PIK3C2A: variants seen among roughly 807,000 people sequenced by gnomAD.
PIK3C2A encodes the protein phosphatidylinositol-4-phosphate 3-kinase catalytic subunit type 2 alpha, also known as phosphatidylinositol 4-phosphate 3-kinase C2 domain-containing subunit alpha.
A neutral mutation model predicts 204.5 loss-of-function variants in PIK3C2A; 97 were observed. The ratio of observed to expected loss-of-function variants is 0.47; its 90% CI spans 0.40 to 0.56. PIK3C2A has a LOEUF of 0.56. Ranked by LOEUF, PIK3C2A falls within the 20% of genes least tolerant of loss-of-function variation. PIK3C2A has a pLI of 0.00. For missense variants in PIK3C2A, 1,735 were observed against 1,969.2 expected, an observed-to-expected ratio of 0.88 and a Z score of 2.25; for synonymous variants, 653 against 664.4, an observed-to-expected ratio of 0.98 and a Z score of 0.26.
intron 1 of PIK3C2A, among the ~76,000 whole-genome samples, chr11:17,175,321 T>C (rs942965056): frequency 1.3e-5 from 2 of 152,228 alleles, no homozygotes; most frequent in Non-Finnish European, 1.5e-5. Context: ...AGCTGATTGC[T>C]ACCAGCTAAG....
intron 1 of PIK3C2A, among the ~76,000 whole-genome samples, chr11:17,207,495 G>C (rs1165360140): frequency 6.6e-6 from 1 of 152,340 alleles, no homozygotes; most frequent in East Asian, 1.9e-4. Context: ...CGGTCCCGCG[G>C]GACAAGGCGG....
chr11:17,193,463 C>A, intron 1 of PIK3C2A: 2 of 411,936 alleles, frequency 4.9e-6, no homozygotes, highest in South Asian at 3.6e-5. Context: ...CTAGGTGCTT[C>A]AGGAGCCATG....
At chr11:17,159,374 T>C (rs1328085771) in intron 2 of PIK3C2A, among the ~76,000 whole-genome samples, 2 of 152,308 alleles carry the variant, frequency 1.3e-5, no homozygotes, top group African/African-American at 2.4e-5. Context: ...CATTAGCCAA[T>C]ACCTGGAACA....
intron 23 of PIK3C2A, among the ~76,000 whole-genome samples, chr11:17,103,394 C>T (rs1848706263): frequency 6.6e-6 from 1 of 152,052 alleles, no homozygotes. Flanking sequence ...TAGAAGGATA[C>T]AGCAAGACAC....
At chr11:17,166,047 AT>A (rs1226788523) in intron 2 of PIK3C2A, among the ~76,000 whole-genome samples, 1 of 152,196 alleles carries the variant, frequency 6.6e-6, no homozygotes, top group Non-Finnish European at 1.5e-5. Flanking sequence ...ATTTTACTAC[AT>A]TTTAAATTCT....
chr11:17,200,581 G>A (rs1389463242), intron 1 of PIK3C2A, among the ~76,000 whole-genome samples: 1 of 152,146 alleles, frequency 6.6e-6, no homozygotes, highest in Non-Finnish European at 1.5e-5. Flanking sequence ...ATGAGCTGTT[G>A]CCAGGGAGTG....
rs371798912 is a variant in PIK3C2A at position 17,114,080 on chromosome 11, AAAATAAATAAAT to A, written c.3321+269_3321+280del. On this transcript the variant is annotated intron_variant, in intron 20 of 32. Transcript: ENST00000691414. ...GGGCAAGAGTGAGACTTTGTCTCAA[AAAATAAATAAAT>A]AAATAAATAAATAAATAAATAAAAA... 3.3e-4 allele frequency among the ~76,000 whole-genome samples: 47 copies of A among 143,384 alleles called. No individual in the cohort carries two copies. In the South Asian group the frequency reaches 8.9e-3, roughly 27 times the overall value. 94.1% of individuals were successfully genotyped at this position (143,384 alleles called of 152,430 possible).
At chr11:17,136,380 G>A (rs561788006) in intron 9 of PIK3C2A, 102 bp downstream of exon 9, 1 of 908,022 alleles carries the variant, frequency 1.1e-6, no homozygotes, top group African/African-American at 1.7e-5. Context: ...AAAAGTAAAA[G>A]CCAAAGTTAA....
chr11:17,200,677 AATTGTGGTGGTGGCAG>A (rs1370366193), intron 1 of PIK3C2A, among the ~76,000 whole-genome samples: 1 of 152,172 alleles, frequency 6.6e-6, no homozygotes, highest in South Asian at 2.1e-4. Flanking sequence ...CTTGTATCTT[AATTGTGGTGGTGGCAG>A]TTACACAACT....
In PIK3C2A at chr11:17,119,830, C is replaced by A. The variant is rs1849315902; in HGVS notation, c.2802G>T (p.Trp934Cys). ...ATGCAATTAGTGGGTACAATGCAGG[C>A]CACTGGTGAAGCAATGAGTAAGTTT... The part of the protein sequence containing the change: ...LAKTYSLLHQ[W>C]PALYPLIALE... The change falls in exon 16 of 33, where the codon TGG becomes TGT. Residue 934 changes from tryptophan (W) to cysteine (C), a missense_variant. Trp to Cys is a radical substitution (Grantham distance 215). Coordinates refer to ENST00000691414, the MANE Select transcript of PIK3C2A (RefSeq NM_002645.4). 3 of 1,604,866 alleles carry A rather than the reference C, an allele frequency of 1.9e-6. No individual in the cohort carries two copies. Among genetic ancestry groups the A allele is most frequent in the Admixed American group, 1.7e-5 (1 of 58,048 alleles).
chr11:17,143,665 G>A (rs906720152), intron 8 of PIK3C2A, among the ~76,000 whole-genome samples: 4 of 151,754 alleles, frequency 2.6e-5, no homozygotes, highest in Non-Finnish European at 2.9e-5. Context: ...GGGGCCAGGC[G>A]CAGTGGCTCA....
At chr11:17,165,920 T>C (rs1160262262) in intron 2 of PIK3C2A, among the ~76,000 whole-genome samples, 3 of 151,506 alleles carry the variant, frequency 2.0e-5, no homozygotes, top group Non-Finnish European at 4.4e-5. Context: ...TTTTCAAATA[T>C]ACACAAAGTA....
At chr11:17,095,467 T>C (rs1387457744) in intron 27 of PIK3C2A, among the ~76,000 whole-genome samples, 1 of 150,242 alleles carries the variant, frequency 6.7e-6, no homozygotes, top group Non-Finnish European at 1.5e-5. Context: ...GGTGGGTACC[T>C]GTAGTCCCAG....
chr11:17,097,923 C>G (rs538807056), intron 26 of PIK3C2A, among the ~76,000 whole-genome samples: 1 of 152,192 alleles, frequency 6.6e-6, no homozygotes, highest in Admixed American at 6.5e-5. Flanking sequence ...CAAAAAACCA[C>G]AAAAACAAAA....
intron 1 of PIK3C2A, among the ~76,000 whole-genome samples, chr11:17,206,586 A>G (rs1393939325): frequency 6.6e-6 from 1 of 151,338 alleles, no homozygotes; most frequent in African/African-American, 2.4e-5. Context: ...CCCCATGTCA[A>G]TTAAAAAAAA....
chr11:17,120,430 G>T (rs1488675159), intron 15 of PIK3C2A, among the ~76,000 whole-genome samples: 1 of 151,752 alleles, frequency 6.6e-6, no homozygotes, highest in Non-Finnish European at 1.5e-5. Context: ...GATCCTAATT[G>T]TTTTAAGCTT....
intron 15 of PIK3C2A, among the ~76,000 whole-genome samples, chr11:17,120,698 C>T (rs753761358): frequency 6.6e-6 from 1 of 152,076 alleles, no homozygotes; most frequent in Non-Finnish European, 1.5e-5. Flanking sequence ...TATGTAGATC[C>T]TCTTTTTTCC....
intron 1 of PIK3C2A, among the ~76,000 whole-genome samples, chr11:17,189,653 C>T (rs1475607861): frequency 7.8e-6 from 1 of 127,484 alleles, no homozygotes; most frequent in Non-Finnish European, 1.5e-5. Context: ...ACTTTCATCG[C>T]CCCATAAAGA....
At chr11:17,144,956 T>C (rs371968137) in intron 8 of PIK3C2A, among the ~76,000 whole-genome samples, 3 of 151,648 alleles carry the variant, frequency 2.0e-5, no homozygotes, top group South Asian at 4.2e-4. Flanking sequence ...CTATTGGATT[T>C]TGGACTTGCA....
Sources: gnomAD v4.1 joint callset for allele counts (sites outside exome capture counted in the v4.1 genomes callset) on GRCh38, gnomAD v4.1.1 for gene constraint, MANE v1.5 for transcripts, NCBI Gene and HGNC (gene_info 2026-07-23, HGNC 2026-07-21) for gene names.